RUNX1T1: variants seen among roughly 807,000 people sequenced by gnomAD.
RUNX1T1 encodes the protein protein CBFA2T1.
Under a neutral mutation model 62.8 loss-of-function variants are expected in RUNX1T1, and 4 were observed. That is an observed-to-expected ratio of 0.06 (90% CI 0.03 to 0.15). The LOEUF is 0.15. Ranked by LOEUF, RUNX1T1 falls within the 10% of genes least tolerant of loss-of-function variation. The pLI, the probability that RUNX1T1 is intolerant of heterozygous loss-of-function variation, is 1.00. For missense variants in RUNX1T1, 508 were observed against 754.3 expected (o/e 0.67, Z 3.82); for synonymous variants, 291 against 286.0 (o/e 1.02, Z -0.18).
At chr8:92,051,955 T>C (rs772482676) in intron 1 of RUNX1T1, among the ~76,000 whole-genome samples, 2 of 152,044 alleles carry the variant, frequency 1.3e-5, no homozygotes, top group Non-Finnish European at 2.9e-5. Flanking sequence ...ATTCAGTCAC[T>C]TTCTCTCAAA....
upstream of RUNX1T1, among the ~76,000 whole-genome samples, chr8:92,101,856 T>G (rs1419006400): frequency 6.6e-6 from 1 of 152,168 alleles, no homozygotes. Flanking sequence ...GAAAGAGGTC[T>G]GGGTGCGCCA....
At chr8:92,008,730 T>C (rs930576186) in intron 4 of RUNX1T1, among the ~76,000 whole-genome samples, 1 of 152,206 alleles carries the variant, frequency 6.6e-6, no homozygotes, top group Non-Finnish European at 1.5e-5. Flanking sequence ...ATTTTTAAGA[T>C]ACATTAAATA....
upstream of RUNX1T1, among the ~76,000 whole-genome samples, chr8:92,066,859 G>C (rs1832953111): frequency 6.6e-6 from 1 of 152,208 alleles, no homozygotes; most frequent in African/African-American, 2.4e-5. Context: ...AAAGTTCATT[G>C]AAGTATTCCA....
chr8:92,046,458 G>A (rs1170011089), intron 1 of RUNX1T1, among the ~76,000 whole-genome samples: 1 of 152,146 alleles, frequency 6.6e-6, no homozygotes, highest in Non-Finnish European at 1.5e-5. Flanking sequence ...CCATCTCCCA[G>A]GATCCAGTGA....
chr8:92,077,952 C>T (rs1834679841), intron 1 of RUNX1T1, among the ~76,000 whole-genome samples: 1 of 152,086 alleles, frequency 6.6e-6, no homozygotes, highest in South Asian at 2.1e-4. Flanking sequence ...TTGGAATATA[C>T]TGCTTTACTT....
chr8:92,024,262 A>C (rs1824687477), intron 1 of RUNX1T1, among the ~76,000 whole-genome samples: 1 of 151,712 alleles, frequency 6.6e-6, no homozygotes, highest in South Asian at 2.1e-4. Flanking sequence ...TAATTCCAGC[A>C]TTTTGTGAGG....
Position 92,024,497 on chromosome 8 carries a change from C to CAAAAAAAAA in RUNX1T1, c.8-7143_8-7135dup, listed in dbSNP as rs34547904. ...GGGGTAACAGAGTGAAACCCCAACT[C>CAAAAAAAAA]AAAAAAAAAAAAAAAAAAAAAAAAA... On this transcript the variant is annotated intron_variant, in intron 1 of 10. Coordinates refer to ENST00000396218, the Ensembl canonical transcript of RUNX1T1. Among the ~76,000 whole-genome samples the CAAAAAAAAA allele has an allele frequency of 2.8e-3, 49 of 17,542 alleles. 7 individuals carry two copies. Among genetic ancestry groups the CAAAAAAAAA allele is most frequent in the African/African-American group, 4.3e-3 (24 of 5,614 alleles). 11.5% of individuals were successfully genotyped at this position (17,542 alleles called of 152,430 possible). A position where few individuals can be genotyped will look rare whatever the true frequency, so the allele number is the denominator to read the frequency against.
At chr8:92,020,131 T>G (rs1369598205) in intron 1 of RUNX1T1, among the ~76,000 whole-genome samples, 2 of 152,206 alleles carry the variant, frequency 1.3e-5, no homozygotes, top group Non-Finnish European at 2.9e-5. Context: ...TGCTGTTCAG[T>G]GCAATCAATC....
intron 1 of RUNX1T1, chr8:92,095,266 G>T: frequency 6.6e-7 from 1 of 1,518,504 alleles, no homozygotes; most frequent in Non-Finnish European, 8.8e-7. Context: ...AGAGAGAAAA[G>T]CCGCCTCCCC....
Position 92,018,390 on chromosome 8 carries a change from C to T in RUNX1T1, c.8-1027G>A, listed in dbSNP as rs79427153. Among the ~76,000 whole-genome samples, 1,098 of 152,284 alleles carry T rather than the reference C, an allele frequency of 7.2e-3. 13 individuals carry two copies. The highest frequency in any genetic ancestry group is 0.024 in the African/African-American group (1,013 of 41,564). On this transcript the variant is annotated intron_variant, in intron 1 of 10. Coordinates refer to ENST00000396218, the Ensembl canonical transcript of RUNX1T1. ...CATCATTCAAATAAGAGCATTTGCA[C>T]GATGAGCTAGTCAACAGCAGTATCA...
At chr8:91,971,923 C>A (rs1301292035) in intron 9 of RUNX1T1, among the ~76,000 whole-genome samples, 1 of 152,086 alleles carries the variant, frequency 6.6e-6, no homozygotes, top group African/African-American at 2.4e-5. Context: ...AAAATATCCT[C>A]CCCCTGAATT....
chr8:91,991,471 G>T (rs1175020876), intron 6 of RUNX1T1, among the ~76,000 whole-genome samples, 168 bp downstream of exon 7: 1 of 152,124 alleles, frequency 6.6e-6, no homozygotes, highest in Non-Finnish European at 1.5e-5. Context: ...GCTGTTAAAA[G>T]TCTATTAATA....
intron 3 of RUNX1T1, 123 bp from the exon 5 acceptor site, chr8:92,011,214 C>A (rs1821853923): frequency 5.0e-6 from 3 of 594,860 alleles, no homozygotes; most frequent in South Asian, 2.1e-5. Flanking sequence ...CTGACAGAAA[C>A]CAGTATTTTC....
At chr8:92,020,538 TCAAAAGAAAAAAG>T (rs1823876778) in intron 1 of RUNX1T1, among the ~76,000 whole-genome samples, 1 of 151,862 alleles carries the variant, frequency 6.6e-6, no homozygotes, top group African/African-American at 2.4e-5. Flanking sequence ...TGATTAAAAG[TCAAAAGAAAAAAG>T]CAAAAGAAAA....
intron 8 of RUNX1T1, among the ~76,000 whole-genome samples, chr8:91,976,809 T>C (rs898426620): frequency 1.1e-4 from 16 of 152,228 alleles, no homozygotes; most frequent in Admixed American, 1.3e-4. Context: ...AAAATATGCA[T>C]TTCATGTCTT....
upstream of RUNX1T1, chr8:92,102,943 C>T (rs2130960252): frequency 6.7e-7 from 1 of 1,497,852 alleles, no homozygotes; most frequent in East Asian, 2.7e-5. This position sits in a 1 kb window ranked among gnomAD's most constrained non-coding sequence, Gnocchi z 4.5. Context: ...GCCCGCGGGG[C>T]GACGGGGCGA....
chr8:91,984,553 T>C (rs916565062), intron 8 of RUNX1T1, among the ~76,000 whole-genome samples: 1 of 152,174 alleles, frequency 6.6e-6, no homozygotes, highest in African/African-American at 2.4e-5. Flanking sequence ...GCCTGGCACA[T>C]AGTAAGTGCT....
At chr8:92,002,208 C>T (rs911910974) in intron 5 of RUNX1T1, among the ~76,000 whole-genome samples, 2 of 152,040 alleles carry the variant, frequency 1.3e-5, no homozygotes, top group African/African-American at 4.8e-5. Flanking sequence ...TAAAAATTAT[C>T]TTTTTCTACT....
chr8:92,078,677 C>T (rs1057407651), intron 1 of RUNX1T1, among the ~76,000 whole-genome samples: 2 of 152,122 alleles, frequency 1.3e-5, no homozygotes, highest in Non-Finnish European at 2.9e-5. Flanking sequence ...ATCTGCGATC[C>T]GTGCAGTAGT....
Sources: allele counts gnomAD v4.1 joint callset (sites outside exome capture counted in the v4.1 genomes callset), GRCh38; gene constraint gnomAD v4.1.1; non-coding constraint Gnocchi (gnomAD v3.1); transcripts MANE v1.5; gene names NCBI Gene and HGNC (gene_info 2026-07-23, HGNC 2026-07-21).